The following EXOC4 variants were observed in gnomAD, a reference collection of about 807,000 sequenced individuals.
EXOC4 encodes the protein SEC8-like 1.
Under a neutral mutation model 107.2 loss-of-function variants are expected in EXOC4, and 71 were observed. That is an observed-to-expected ratio of 0.66 (90% CI 0.55 to 0.81). The LOEUF (loss-of-function observed/expected upper bound fraction) is 0.81. EXOC4 is among the 30% of genes least tolerant of loss of function. The pLI, the probability that EXOC4 is intolerant of heterozygous loss-of-function variation, is 0.00. For synonymous variants in EXOC4, 456 were observed against 441.2 expected, an observed-to-expected ratio of 1.03 and a Z score of -0.42; for missense variants, 1,108 against 1,189.6, an observed-to-expected ratio of 0.93 and a Z score of 1.01.
At chr7:134,039,743 C>G (rs960580185) in intron 17 of EXOC4, among the ~76,000 whole-genome samples, 2 of 152,188 alleles carry the variant, frequency 1.3e-5, no homozygotes, top group African/African-American at 2.4e-5. Flanking sequence ...ATCATCTTCT[C>G]TCATACAGCA....
At chr7:133,929,827 C>T (rs1318402644) in intron 13 of EXOC4, among the ~76,000 whole-genome samples, 4 of 152,124 alleles carry the variant, frequency 2.6e-5, no homozygotes, top group Non-Finnish European at 4.4e-5. Flanking sequence ...TTCCTTCCTC[C>T]TAAAACCCCC....
chr7:133,868,346 G>A (rs936173063), intron 11 of EXOC4, among the ~76,000 whole-genome samples: 1 of 152,216 alleles, frequency 6.6e-6, no homozygotes, highest in African/African-American at 2.4e-5. Context: ...CAAATGAGAA[G>A]AGGGTAGAAG....
intron 10 of EXOC4, among the ~76,000 whole-genome samples, chr7:133,774,581 T>C (rs570259474): frequency 6.6e-6 from 1 of 152,208 alleles, no homozygotes; most frequent in South Asian, 2.1e-4. Flanking sequence ...ATGTGAAGCA[T>C]AGAAAGTTCA....
chr7:133,779,145 A>C (rs1277440302), intron 10 of EXOC4, among the ~76,000 whole-genome samples: 3 of 152,200 alleles, frequency 2.0e-5, no homozygotes, highest in Admixed American at 2.0e-4. Context: ...TTGGAGTTTA[A>C]ATGTCATTGC....
chr7:133,519,843 A>G (rs1421666170), intron 9 of EXOC4, among the ~76,000 whole-genome samples: 2 of 152,212 alleles, frequency 1.3e-5, no homozygotes, highest in East Asian at 1.9e-4. Flanking sequence ...CTCAGTTTCT[A>G]TAAGAACAGT....
In EXOC4 at chr7:133,643,782, T is replaced by A. The variant is rs149858767; in HGVS notation, c.1514+13641T>A. ...TGAAGAAACTTTCTTAATGCAAGTGTATACATACACAAACATGTTTTTAAC... is the reference window on the plus strand; with the variant it reads ...TGAAGAAACTTTCTTAATGCAAGTGAATACATACACAAACATGTTTTTAAC... On this transcript the variant is annotated intron_variant, in intron 10 of 17. Transcript: ENST00000253861. 4.7e-3 allele frequency among the ~76,000 whole-genome samples: 709 copies of A among 152,332 alleles called. 3 individuals carry two copies. The highest frequency in any genetic ancestry group is 0.023 in the East Asian group (119 of 5,188).
intron 11 of EXOC4, among the ~76,000 whole-genome samples, chr7:133,870,826 C>T (rs191984686): frequency 2.0e-5 from 3 of 152,274 alleles, no homozygotes; most frequent in Non-Finnish European, 2.9e-5. Context: ...AGTGGGTATT[C>T]GGTTTTTCAT....
At chr7:133,959,636 C>G (rs970878726) in intron 14 of EXOC4, among the ~76,000 whole-genome samples, 1 of 151,852 alleles carries the variant, frequency 6.6e-6, no homozygotes, top group African/African-American at 2.4e-5. Context: ...GACCTACATC[C>G]TCACCAAGGC....
intron 11 of EXOC4, among the ~76,000 whole-genome samples, chr7:133,830,989 G>C (rs1797797947): frequency 6.7e-6 from 1 of 149,472 alleles, no homozygotes; most frequent in Non-Finnish European, 1.5e-5. Flanking sequence ...TTTTGAGACA[G>C]AGTCTCGCTC....
chr7:133,974,845 C>G (rs1185337026), intron 14 of EXOC4, among the ~76,000 whole-genome samples: 1 of 152,172 alleles, frequency 6.6e-6, no homozygotes, highest in African/African-American at 2.4e-5. Flanking sequence ...ATGGTACTAA[C>G]TGAAATAAAA....
chr7:133,883,504 A>T (rs982594843), intron 11 of EXOC4, among the ~76,000 whole-genome samples: 1 of 150,934 alleles, frequency 6.6e-6, no homozygotes, highest in African/African-American at 2.4e-5. Flanking sequence ...ATAGCCTGGT[A>T]TGGTGGCCTC....
chr7:133,453,164 G>C (rs1798387290), intron 7 of EXOC4, among the ~76,000 whole-genome samples: 1 of 152,140 alleles, frequency 6.6e-6, no homozygotes, highest in African/African-American at 2.4e-5. Context: ...AATACAGCAA[G>C]GTTATATAAA....
At position 133,588,030 on chromosome 7, in the gene EXOC4, G is replaced by A. The variant is rs146540631; in HGVS notation, c.1418-42015G>A. Among the ~76,000 whole-genome samples, 13 of 152,208 alleles carry A rather than the reference G, an allele frequency of 8.5e-5. No homozygotes were observed. The East Asian group carries it at 1.7e-3, about 20-fold the overall frequency. ...TTCCCTTGAGGATTTGACATTTTCT[G>A]TTTCCTGACATTTTTACTATTGTTA... On this transcript the variant is annotated intron_variant, in intron 9 of 17. Coordinates refer to ENST00000253861, the MANE Select transcript of EXOC4 (RefSeq NM_021807.4).
At chr7:133,319,664 A>G (rs1319167496) in intron 5 of EXOC4, among the ~76,000 whole-genome samples, 1 of 151,920 alleles carries the variant, frequency 6.6e-6, no homozygotes, top group Admixed American at 6.6e-5. Flanking sequence ...TAATTTTTGT[A>G]GAAACAGGGT....
the EXOC4 span, among the ~76,000 whole-genome samples, chr7:134,081,456 A>G: frequency 2.6e-5 from 4 of 152,214 alleles, no homozygotes; most frequent in East Asian, 1.9e-4. Flanking sequence ...GACATTCTGT[A>G]TAACTCAATC....
At chr7:133,400,435 A>G (rs1797064279) in intron 7 of EXOC4, among the ~76,000 whole-genome samples, 1 of 152,202 alleles carries the variant, frequency 6.6e-6, no homozygotes, top group Non-Finnish European at 1.5e-5. Context: ...CAACCATGTA[A>G]TAAGTTACTT....
intron 11 of EXOC4, among the ~76,000 whole-genome samples, chr7:133,853,421 G>A (rs1798282842): frequency 6.7e-6 from 1 of 150,084 alleles, no homozygotes; most frequent in South Asian, 2.1e-4. Context: ...CATGGAGAGA[G>A]GGTCTCATTA....
At chr7:133,757,006 A>G (rs1241739074) in intron 10 of EXOC4, among the ~76,000 whole-genome samples, 1 of 152,168 alleles carries the variant, frequency 6.6e-6, no homozygotes, top group Non-Finnish European at 1.5e-5. Flanking sequence ...AAAAATATGT[A>G]TTAAGGGATT....
At chr7:133,794,780 T>C (rs1013725121) in intron 10 of EXOC4, among the ~76,000 whole-genome samples, 2 of 152,032 alleles carry the variant, frequency 1.3e-5, no homozygotes, top group Admixed American at 6.5e-5. Flanking sequence ...CAAATCACAA[T>C]GGATAGTTGT....
Sources: gnomAD v4.1 joint callset for allele counts (sites outside exome capture counted in the v4.1 genomes callset) on GRCh38, gnomAD v4.1.1 for gene constraint, MANE v1.5 for transcripts, NCBI Gene and HGNC (gene_info 2026-07-23, HGNC 2026-07-21) for gene names.